ANAPC1: variants seen among roughly 807,000 people sequenced by gnomAD.
ANAPC1 encodes the protein anaphase-promoting complex subunit 1.
Under a neutral mutation model 208.0 loss-of-function variants are expected in ANAPC1, and 36 were observed. The observed-to-expected ratio is 0.17, with a 90% CI of 0.13 to 0.23. The LOEUF is 0.23. ANAPC1 is among the 10% of genes least tolerant of loss of function. ANAPC1 has a pLI of 1.00. For missense variants in ANAPC1, 942 were observed against 2,011.6 expected (o/e 0.47, Z 10.17); for synonymous variants, 378 against 695.2 (o/e 0.54, Z 7.18).
chr2:111,867,809 CG>C (rs1218902158), intron 7 of ANAPC1, among the ~76,000 whole-genome samples: 5 of 151,814 alleles, frequency 3.3e-5, no homozygotes, highest in Non-Finnish European at 7.4e-5. Context: ...ATAAATATAT[CG>C]GTATTCCTCA....
chr2:111,810,406 A>G (rs945335646), intron 28 of ANAPC1, among the ~76,000 whole-genome samples: 3 of 152,180 alleles, frequency 2.0e-5, no homozygotes, highest in African/African-American at 7.2e-5. Context: ...ATGGATGTAC[A>G]ACTCTGTGAA....
intron 47 of ANAPC1, among the ~76,000 whole-genome samples, chr2:111,771,538 G>A (rs1340484097): frequency 6.7e-6 from 1 of 150,092 alleles, no homozygotes; most frequent in Non-Finnish European, 1.5e-5. Context: ...CTTTGGGGGA[G>A]AAGCTAGGGT....
chr2:111,806,718 T>G (rs1294903966), intron 29 of ANAPC1, among the ~76,000 whole-genome samples: 1 of 150,840 alleles, frequency 6.6e-6, no homozygotes, highest in Non-Finnish European at 1.5e-5. Flanking sequence ...TATGGTAGAA[T>G]TTCTGTGTAC....
chr2:111,785,838 T>G (rs569375065), intron 39 of ANAPC1, among the ~76,000 whole-genome samples: 1 of 144,734 alleles, frequency 6.9e-6, no homozygotes, highest in Non-Finnish European at 1.6e-5. Flanking sequence ...TTTTATCTTC[T>G]CAGATTTTTT....
At chr2:111,860,158 G>A (rs377323788) in intron 10 of ANAPC1, among the ~76,000 whole-genome samples, 1 of 151,846 alleles carries the variant, frequency 6.6e-6, no homozygotes, top group Non-Finnish European at 1.5e-5. Flanking sequence ...AATTAGTCAG[G>A]CGTGGCGGTG....
At chr2:111,866,082 T>C (rs1682392506) in intron 7 of ANAPC1, 2 of 181,610 alleles carry the variant, frequency 1.1e-5, no homozygotes, top group African/African-American at 4.8e-5. Flanking sequence ...CGGGCCCCTG[T>C]AGTCCCAGCT....
intron 42 of ANAPC1, among the ~76,000 whole-genome samples, chr2:111,783,013 T>C (rs1196841014): frequency 6.6e-6 from 1 of 152,286 alleles, no homozygotes; most frequent in African/African-American, 2.4e-5. Flanking sequence ...TTAACTGACA[T>C]GCTACTTTAG....
intron 26 of ANAPC1, among the ~76,000 whole-genome samples, chr2:111,820,638 C>G (rs1679479093): frequency 2.2e-5 from 3 of 138,280 alleles, no homozygotes; most frequent in Non-Finnish European, 4.6e-5. Context: ...ATGATAGAGA[C>G]AAGCAGATAA....
chr2:111,806,066 A>C (rs928550007), intron 29 of ANAPC1, among the ~76,000 whole-genome samples, 173 bp from the exon 30 acceptor site: 1 of 151,814 alleles, frequency 6.6e-6, no homozygotes, highest in East Asian at 1.9e-4. Context: ...TTTACCTACC[A>C]AAAAAAAGGG....
intron 47 of ANAPC1, among the ~76,000 whole-genome samples, chr2:111,769,622 T>A (rs541729609): frequency 3.7e-4 from 56 of 151,728 alleles, no homozygotes; most frequent in Non-Finnish European, 5.7e-4. Flanking sequence ...AAGAGAGGTG[T>A]TTTGGATTCT....
chr2:111,828,937 G>A (rs536812050), intron 21 of ANAPC1, among the ~76,000 whole-genome samples: 3 of 152,138 alleles, frequency 2.0e-5, no homozygotes, highest in Non-Finnish European at 4.4e-5. Flanking sequence ...ATTTCAGGCC[G>A]GGCACAGTGG....
chr2:111,848,113 C>T (rs557959604), intron 14 of ANAPC1, among the ~76,000 whole-genome samples: 1 of 152,012 alleles, frequency 6.6e-6, no homozygotes, highest in Admixed American at 6.6e-5. Context: ...TAGTCACTGC[C>T]CTCCAGCCTG....
chr2:111,834,695 C>T lies in ANAPC1; in HGVS notation c.2293G>A (p.Val765Ile), dbSNP rs143332543. 3.2e-5 allele frequency: 51 copies of T among 1,612,992 alleles called. 2 individuals are homozygous for T. Among genetic ancestry groups the T allele is most frequent in the South Asian group, 2.5e-4 (23 of 91,014 alleles). The change falls in exon 19 of 48, where the codon GTT (valine) becomes ATT (isoleucine). Residue 765 changes from valine (V) to isoleucine (I), a missense_variant. By Grantham distance (29) the Val-to-Ile change is conservative. Transcript: ENST00000341068. ...AGCTCCTCATACACAAGGTGAAGAA[C>T]GAAAAAAATTGCAGGTATGTGAGTA... ...LFTHIPAIFF[V>I]LHLVYEELKL...
intron 18 of ANAPC1, among the ~76,000 whole-genome samples, chr2:111,835,810 C>A (rs1430962828): frequency 1.3e-5 from 2 of 151,932 alleles, no homozygotes; most frequent in African/African-American, 4.8e-5. Context: ...CCACTGCACT[C>A]CAGCCTGGGC....
At chr2:111,781,594 G>A (rs1398481715) in intron 43 of ANAPC1, among the ~76,000 whole-genome samples, 1 of 152,270 alleles carries the variant, frequency 6.6e-6, no homozygotes, top group African/African-American at 2.4e-5. Flanking sequence ...CATCCAGTCC[G>A]CCTGCCCCAC....
intron 10 of ANAPC1, among the ~76,000 whole-genome samples, chr2:111,858,786 A>T (rs1681888279): frequency 7.1e-6 from 1 of 141,290 alleles, no homozygotes; most frequent in East Asian, 2.1e-4. Context: ...AAAAAAAAAA[A>T]GTCTTTGAAA....
At chr2:111,843,820 CTTTTTTTTTT>C (rs369036574) in intron 16 of ANAPC1, among the ~76,000 whole-genome samples, 1 of 86,828 alleles carries the variant, frequency 1.2e-5, no homozygotes, top group African/African-American at 4.6e-5. Flanking sequence ...CTGAAGACAG[CTTTTTTTTTT>C]TTTTTTTTTT....
At chr2:111,847,918 G>C in intron 14 of ANAPC1, 53 bp from the exon 15 acceptor site, 2 of 1,459,564 alleles carry the variant, frequency 1.4e-6, no homozygotes, top group Non-Finnish European at 1.8e-6. Flanking sequence ...AGAAATTAAG[G>C]ACAAGGAAAT....
In ANAPC1 at chr2:111,792,350, AT is replaced by A. The variant is rs761679359; in HGVS notation, c.4712+11del. 14 of 1,497,816 alleles carry A rather than the reference AT, an allele frequency of 9.3e-6. No homozygotes were observed. Among genetic ancestry groups the A allele is most frequent in the Non-Finnish European group, 1.3e-5 (14 of 1,080,108 alleles). The allele number at this position is 1,497,816 out of a possible 1,614,324, so 92.8% of individuals were successfully genotyped here. On this transcript the variant is annotated intron_variant, in intron 38 of 47. Coordinates refer to ENST00000341068, the MANE Select transcript of ANAPC1 (RefSeq NM_022662.4). ...TGAGATCTTTTCATTGGAAAAATAC[AT>A]ATTCACTTACCTTCCTCCTCCCAAA...
Sources: gnomAD v4.1 joint callset for allele counts (sites outside exome capture counted in the v4.1 genomes callset) on GRCh38, gnomAD v4.1.1 for gene constraint, MANE v1.5 for transcripts, NCBI Gene and HGNC (gene_info 2026-07-23, HGNC 2026-07-21) for gene names.